Variants in SPDL1 observed in about 807,000 individuals in gnomAD.
SPDL1 encodes protein Spindly.
In SPDL1, 85 loss-of-function variants were observed where a neutral mutation model predicts 79.5. The ratio of observed to expected loss-of-function variants is 1.07; its 90% CI spans 0.90 to 1.28. The LOEUF (loss-of-function observed/expected upper bound fraction) is 1.28. SPDL1 is among the 50% of genes most tolerant of loss of function. SPDL1 has a pLI of 0.00. For synonymous variants in SPDL1, 269 were observed against 240.3 expected, an observed-to-expected ratio of 1.12 and a Z score of -1.10; for missense variants, 703 against 697.8, an observed-to-expected ratio of 1.01 and a Z score of -0.08.
chr5:169,598,970 A>T lies in SPDL1; in HGVS notation c.1137-2A>T, dbSNP rs774053987. On this transcript the variant is annotated splice_acceptor_variant, in intron 9 of 11. Coordinates refer to ENST00000265295, the MANE Select transcript of SPDL1 (RefSeq NM_017785.5). LOFTEE classifies it high-confidence loss of function. Reference sequence around the variant, plus strand: ...GTTGGTTCTCCTTTTTTATTATCATAGCAAAGAAATTGAAAGCACTAAAGG... The same window carrying T: ...GTTGGTTCTCCTTTTTTATTATCATTGCAAAGAAATTGAAAGCACTAAAGG... The T allele has an allele frequency of 3.3e-6, 5 of 1,528,246 alleles. No individual in the cohort carries two copies. The highest frequency in any genetic ancestry group is 4.6e-5 in the East Asian group (2 of 43,254). 94.7% of individuals were successfully genotyped at this position (1,528,246 alleles called of 1,614,324 possible).
At chr5:169,590,649 T>C (rs116566085) in intron 2 of SPDL1, 28 of 443,104 alleles carry the variant, frequency 6.3e-5, no homozygotes, top group African/African-American at 1.0e-4. Context: ...CAACTATTAT[T>C]ACTACTACAT....
At chr5:169,603,114 TG>T (rs1297219875) in intron 11 of SPDL1, among the ~76,000 whole-genome samples, 1 of 152,166 alleles carries the variant, frequency 6.6e-6, no homozygotes, top group Non-Finnish European at 1.5e-5. Context: ...TTTGTGTGTG[TG>T]TGTGTGTGTG....
intron 11 of SPDL1, 193 bp downstream of exon 11, chr5:169,601,818 C>T (rs1233731005): frequency 1.5e-6 from 1 of 685,616 alleles, no homozygotes; most frequent in Admixed American, 2.2e-5. Flanking sequence ...AGGGAAAGGA[C>T]TCTTGAATAA....
At position 169,596,581 on chromosome 5, in the gene SPDL1, A is replaced by G. The variant is rs370344964; in HGVS notation, c.912A>G (p.Leu304=). ...QRMKLQIATL[L]QMKGSQTEFE... ...TCTAGTTACAAATTGCCACGTTGCT[A>G]CAGATGAAAGGGTCTCAAACTGAAT... Residue 304 remains leucine, a synonymous_variant, in exon 8 of 12, where the codon CTA becomes CTG. Transcript: ENST00000265295. The G allele has an allele frequency of 1.9e-5, 30 of 1,611,400 alleles. No individual in the cohort carries two copies. Among genetic ancestry groups the G allele is most frequent in the Middle Eastern group, 1.6e-4 (1 of 6,080 alleles).
chr5:169,590,992 T>A, intron 2 of SPDL1, 56 bp from the exon 3 acceptor site: 2 of 1,397,122 alleles, frequency 1.4e-6, no homozygotes, highest in Non-Finnish European at 2.0e-6. Context: ...ACTGATTGTA[T>A]GTAATGGCTT....
At chr5:169,585,427 ATAAAC>A (rs1455088512) in intron 1 of SPDL1, among the ~76,000 whole-genome samples, 6 of 152,352 alleles carry the variant, frequency 3.9e-5, no homozygotes, top group African/African-American at 7.2e-5. Flanking sequence ...AATTTTTTGA[ATAAAC>A]TAAAGCAAAT....
At chr5:169,596,485 A>T (rs1429985132) in intron 7 of SPDL1, 76 bp from the exon 8 acceptor site, 6 of 1,261,846 alleles carry the variant, frequency 4.8e-6, no homozygotes, top group Non-Finnish European at 6.8e-6. Context: ...ACAAATTATG[A>T]ATTGTATCAA....
intron 10 of SPDL1, among the ~76,000 whole-genome samples, chr5:169,599,714 G>A (rs992553008): frequency 1.3e-5 from 2 of 152,130 alleles, no homozygotes; most frequent in Non-Finnish European, 2.9e-5. Context: ...TGACAGGAAG[G>A]GCTGAGAAAT....
At chr5:169,599,835 G>C (rs1205837084) in intron 10 of SPDL1, among the ~76,000 whole-genome samples, 1 of 152,176 alleles carries the variant, frequency 6.6e-6, no homozygotes, top group African/African-American at 2.4e-5. Flanking sequence ...CCAGCTCTTG[G>C]GGAGGCAGAG....
At chr5:169,587,023 T>C (rs1056741093) in intron 1 of SPDL1, among the ~76,000 whole-genome samples, 1 of 152,228 alleles carries the variant, frequency 6.6e-6, no homozygotes, top group Non-Finnish European at 1.5e-5. Flanking sequence ...CCCCTCTTGC[T>C]GGAACATTCT....
chr5:169,600,826 C>T (rs1321633508), intron 10 of SPDL1, among the ~76,000 whole-genome samples: 2 of 152,160 alleles, frequency 1.3e-5, no homozygotes, highest in Admixed American at 6.5e-5. Context: ...CCTTCTAATA[C>T]ACAATACCAA....
At chr5:169,602,743 A>C (rs1755999973) in intron 11 of SPDL1, among the ~76,000 whole-genome samples, 1 of 152,216 alleles carries the variant, frequency 6.6e-6, no homozygotes, top group Non-Finnish European at 1.5e-5. Context: ...TTTTTATAGA[A>C]TGTTATAACC....
chr5:169,585,376 T>A (rs982916625), intron 1 of SPDL1, among the ~76,000 whole-genome samples: 1 of 152,234 alleles, frequency 6.6e-6, no homozygotes, highest in Non-Finnish European at 1.5e-5. Flanking sequence ...CATTGTGTTG[T>A]CAACACTAGC....
intron 1 of SPDL1, chr5:169,584,255 CATT>C (rs1180512547): frequency 6.6e-6 from 1 of 151,472 alleles, no homozygotes; most frequent in African/African-American, 2.5e-5. Context: ...AGTAATATCT[CATT>C]AATAATTTTT....
chr5:169,587,964 C>T (rs1296658127), intron 1 of SPDL1, among the ~76,000 whole-genome samples: 1 of 152,156 alleles, frequency 6.6e-6, no homozygotes, highest in African/African-American at 2.4e-5. Flanking sequence ...AAGTAATCCT[C>T]CCCAGTTGCT....
In SPDL1 at chr5:169,594,606, C is replaced by T. The variant is rs4493692; in HGVS notation, c.816C>T (p.Leu272=). The T allele has an allele frequency of 0.68, 1,096,196 of 1,612,410 alleles. 375,121 individuals carry two copies. Among genetic ancestry groups the T allele is most frequent in the East Asian group, 0.71 (31,936 of 44,848 alleles). ...GAAGGGCAGCAATGGAACGTCAGCT[C>T]ATCAGTATGAAAGTCAAGTATCAGT... ...EDRRAAMERQ[L]ISMKVKYQSL... is the part of the protein sequence containing the mutation. Residue 272 remains leucine, a synonymous_variant, in exon 7 of 12, where the codon CTC becomes CTT. Transcript: ENST00000265295.
At chr5:169,590,971 T>G in intron 2 of SPDL1, 77 bp from the exon 3 acceptor site, 1 of 1,197,268 alleles carries the variant, frequency 8.4e-7, no homozygotes, top group South Asian at 1.3e-5. Context: ...ATGAAACAAT[T>G]GAAGTTGAAA....
chr5:169,591,280 T>C (rs1393226338), intron 3 of SPDL1, 56 bp downstream of exon 3: 2 of 1,552,712 alleles, frequency 1.3e-6, no homozygotes, highest in Non-Finnish European at 1.8e-6. Flanking sequence ...CAGCCATCTG[T>C]AAACTTTAGA....
At chr5:169,595,611 G>A (rs1755545825) in intron 7 of SPDL1, 1 of 152,158 alleles carries the variant, frequency 6.6e-6, no homozygotes. Flanking sequence ...ATTTCTAAGG[G>A]TTTCCAGACT....
Sources: allele counts gnomAD v4.1 joint callset (sites outside exome capture counted in the v4.1 genomes callset), GRCh38; gene constraint gnomAD v4.1.1; transcripts MANE v1.5; gene names NCBI Gene and HGNC (gene_info 2026-07-23, HGNC 2026-07-21).